Variants in DNAH8 observed in about 807,000 individuals in gnomAD.
DNAH8 encodes the protein dynein axonemal heavy chain 8.
DNAH8 carries 382 observed loss-of-function variants against 562.1 expected under a neutral mutation model. That is an observed-to-expected ratio of 0.68 (90% CI 0.63 to 0.74). DNAH8 has a LOEUF of 0.74. DNAH8 is among the 30% of genes least tolerant of loss of function. The pLI, the probability that DNAH8 is intolerant of heterozygous loss-of-function variation, is 0.00. For synonymous variants in DNAH8, 1,881 were observed against 1,919.4 expected (o/e 0.98, Z 0.52); for missense variants, 5,203 against 5,620.4 (o/e 0.93, Z 2.37).
rs748750843 is a variant in DNAH8, at chr6:38,898,393, GC to G, written c.9063+15del. The G allele has an allele frequency of 6.5e-7, 1 of 1,538,122 alleles. No individual in the cohort carries two copies. Among genetic ancestry groups the G allele is most frequent in the African/African-American group, 1.4e-5 (1 of 70,238 alleles). On this transcript the variant is annotated intron_variant, in intron 61 of 92. Transcript: ENST00000327475. ...TCATCTTATTAAGGTCCTAACTATTGCCTATTTACTGATATAAATAGATGAT... is the reference window on the plus strand; with the variant it reads ...TCATCTTATTAAGGTCCTAACTATTGCTATTTACTGATATAAATAGATGAT...
intron 79 of DNAH8, among the ~76,000 whole-genome samples, chr6:38,940,029 GGA>G (rs1310867483): frequency 2.6e-5 from 4 of 152,182 alleles, no homozygotes; most frequent in Admixed American, 6.5e-5. Flanking sequence ...GACATACTGT[GGA>G]GAGCCTGGGT....
chr6:38,769,997 A>G (rs1767404367), intron 11 of DNAH8, among the ~76,000 whole-genome samples: 1 of 152,352 alleles, frequency 6.6e-6, no homozygotes, highest in East Asian at 1.9e-4. Flanking sequence ...CAATGTACTC[A>G]TCAAAGACTT....
At chr6:39,015,775 C>T (rs1273527273) in intron 91 of DNAH8, among the ~76,000 whole-genome samples, 2 of 152,162 alleles carry the variant, frequency 1.3e-5, no homozygotes, top group Non-Finnish European at 2.9e-5. Context: ...TTATCTTTTC[C>T]CTTTTCTTCA....
At chr6:38,968,845 G>A (rs1763149174) in intron 82 of DNAH8, among the ~76,000 whole-genome samples, 2 of 152,122 alleles carry the variant, frequency 1.3e-5, no homozygotes, top group South Asian at 2.1e-4. Context: ...AATGCTCATA[G>A]CAGCATTACT....
intron 35 of DNAH8, 71 bp from the exon 36 acceptor site, chr6:38,845,503 T>C: frequency 7.7e-7 from 1 of 1,295,438 alleles, no homozygotes; most frequent in Non-Finnish European, 1.1e-6. Context: ...AAAAAAAAAT[T>C]CTATGATTTG....
chr6:38,989,161 C>G (rs1583518120), intron 87 of DNAH8, among the ~76,000 whole-genome samples: 1 of 152,324 alleles, frequency 6.6e-6, no homozygotes. Context: ...GTGTGACCAA[C>G]CAGAGGAAGG....
rs1225801110 is a variant in DNAH8 at position 38,954,609 on chromosome 6, A to C, written c.12451+3089A>C. On this transcript the variant is annotated intron_variant, in intron 82 of 92. Coordinates refer to ENST00000327475, the MANE Select transcript of DNAH8 (RefSeq NM_001206927.2). ...TCCCAGCTACACGGGAGGCTGAGGC[A>C]GGAGAATGGCGTGAACCCGGGAGGC... Among the ~76,000 whole-genome samples, 2 of 12,976 alleles carry C rather than the reference A, an allele frequency of 1.5e-4. 1 individual carries two copies. The highest frequency in any genetic ancestry group is 2.5e-4 in the Non-Finnish European group (2 of 8,062). 8.5% of individuals were successfully genotyped at this position (12,976 alleles called of 152,430 possible).
chr6:39,019,944 C>T (rs1007296882), intron 91 of DNAH8, among the ~76,000 whole-genome samples: 2 of 151,612 alleles, frequency 1.3e-5, no homozygotes, highest in Non-Finnish European at 2.9e-5. Flanking sequence ...GGCAACCTGG[C>T]GGAAGGTGGA....
intron 7 of DNAH8, among the ~76,000 whole-genome samples, chr6:38,738,733 G>A (rs1204947248): frequency 6.6e-6 from 1 of 152,118 alleles, no homozygotes; most frequent in African/African-American, 2.4e-5. Context: ...TATGTTAGGA[G>A]GAGGGCTGTG....
At chr6:38,836,564 A>G (rs1448096845) in intron 32 of DNAH8, among the ~76,000 whole-genome samples, 1 of 149,656 alleles carries the variant, frequency 6.7e-6, no homozygotes, top group Non-Finnish European at 1.5e-5. Context: ...GCCTTTCTGT[A>G]CCTTCTGTTC....
intron 1 of DNAH8, among the ~76,000 whole-genome samples, chr6:38,716,155 G>C (rs1762327291): frequency 6.7e-6 from 1 of 149,906 alleles, no homozygotes; most frequent in Non-Finnish European, 1.5e-5. Flanking sequence ...TGGAGACGGG[G>C]TTTCACAGTG....
At chr6:38,929,395 T>G (rs1195079963) in intron 74 of DNAH8, 116 bp from the exon 75 acceptor site, 1 of 1,047,434 alleles carries the variant, frequency 9.5e-7, no homozygotes, top group Non-Finnish European at 1.3e-6. Flanking sequence ...TTTAAGTAAG[T>G]CTTCTTCTAT....
intron 17 of DNAH8, among the ~76,000 whole-genome samples, chr6:38,784,853 A>T (rs1323331151): frequency 6.6e-6 from 1 of 152,234 alleles, no homozygotes; most frequent in Non-Finnish European, 1.5e-5. Flanking sequence ...TTAACCATTT[A>T]AAATACTGTA....
chr6:38,777,546 CT>C (rs1364167720), intron 13 of DNAH8, among the ~76,000 whole-genome samples: 1 of 152,174 alleles, frequency 6.6e-6, no homozygotes, highest in Admixed American at 6.5e-5. Context: ...TCAGTTCCAT[CT>C]TTTGGGTACC....
chr6:38,939,010 T>G (rs1252552487), intron 79 of DNAH8, 22 bp downstream of exon 79: 19 of 1,590,646 alleles, frequency 1.2e-5, no homozygotes, highest in Non-Finnish European at 1.5e-5. Flanking sequence ...GGGATACAGA[T>G]GTGGTGTGTG....
chr6:38,888,574 G>A (rs183150610), intron 57 of DNAH8, among the ~76,000 whole-genome samples: 10 of 152,050 alleles, frequency 6.6e-5, no homozygotes, highest in Admixed American at 6.5e-4. Context: ...TATAAAAATG[G>A]GCAAACAACT....
intron 87 of DNAH8, among the ~76,000 whole-genome samples, 190 bp from the exon 88 acceptor site, chr6:38,989,822 T>C (rs765954474): frequency 5.9e-5 from 9 of 152,206 alleles, no homozygotes; most frequent in South Asian, 4.1e-4. Context: ...CCAGGTCAAA[T>C]TGTGTTCTGG....
rs377322200 is a variant in DNAH8 at position 38,949,423 on chromosome 6, T to C, written c.12130-29T>C. The C allele has an allele frequency of 6.8e-6, 9 of 1,332,034 alleles. No homozygotes were observed. The African/African-American group carries it at 1.2e-4, about 17-fold the overall frequency. The allele number at this position is 1,332,034 out of a possible 1,614,324, so 82.5% of individuals were successfully genotyped here. A position where few individuals can be genotyped will look rare whatever the true frequency, so the allele number is the denominator to read the frequency against. On this transcript the variant is annotated intron_variant, in intron 80 of 92. Coordinates refer to ENST00000327475, the MANE Select transcript of DNAH8 (RefSeq NM_001206927.2). The stretch of plus-strand genomic sequence containing the variant: ...TATATTCCACTTACATATAGTTCTG[T>C]GGCTTGCTAATTGGCTTGCTTCTTT...
chr6:38,876,187 C>T (rs1298683128), intron 53 of DNAH8, among the ~76,000 whole-genome samples: 2 of 152,304 alleles, frequency 1.3e-5, no homozygotes, highest in Admixed American at 6.5e-5. Context: ...AACGGATCAG[C>T]CCCACAATTC....
Sources: gnomAD v4.1 joint callset for allele counts (sites outside exome capture counted in the v4.1 genomes callset) on GRCh38, gnomAD v4.1.1 for gene constraint, MANE v1.5 for transcripts, NCBI Gene and HGNC (gene_info 2026-07-23, HGNC 2026-07-21) for gene names.